The following PIEZO2 variants were observed in gnomAD, a reference collection of about 807,000 sequenced individuals.
The protein encoded by PIEZO2 is piezo-type mechanosensitive ion channel component 2.
PIEZO2 carries 172 observed loss-of-function variants against 337.3 expected under a neutral mutation model. The ratio of observed to expected loss-of-function variants is 0.51; its 90% confidence interval spans 0.45 to 0.58. The LOEUF is 0.58. PIEZO2 is among the 20% of genes least tolerant of loss of function. The pLI, the probability that PIEZO2 is intolerant of heterozygous loss-of-function variation, is 0.00. For synonymous variants in PIEZO2, 1,251 were observed against 1,228.5 expected, an observed-to-expected ratio of 1.02 and a Z score of -0.38; for missense variants, 3,028 against 3,391.3, an observed-to-expected ratio of 0.89 and a Z score of 2.66.
chr18:10,735,523 T>C (rs1402370102), intron 34 of PIEZO2, among the ~76,000 whole-genome samples, 193 bp from the exon 35 acceptor site: 3 of 152,180 alleles, frequency 2.0e-5, no homozygotes, highest in African/African-American at 7.2e-5. Context: ...TTGCATGTAA[T>C]CCATCCAACA....
chr18:10,955,195 T>C (rs111493624), intron 3 of PIEZO2, among the ~76,000 whole-genome samples: 44 of 152,116 alleles, frequency 2.9e-4, no homozygotes, highest in African/African-American at 1.0e-3. Context: ...ACAGAAAGAG[T>C]TTCTAAAACT....
intron 24 of PIEZO2, among the ~76,000 whole-genome samples, chr18:10,760,566 A>T (rs2038082188): frequency 6.6e-6 from 1 of 152,184 alleles, no homozygotes; most frequent in South Asian, 2.1e-4. Flanking sequence ...TGGCCTCCCA[A>T]AGTGCTGGGA....
rs200520861 is a variant in PIEZO2 at position 10,677,793 on chromosome 18, C to T, written c.8035G>A (p.Ala2679Thr). The T allele has an allele frequency of 2.2e-5, 36 of 1,610,334 alleles. No individual in the cohort carries two copies. Among genetic ancestry groups the T allele is most frequent in the East Asian group, 4.5e-5 (2 of 44,850 alleles). Residue 2679 changes from alanine (A) to threonine (T), a missense_variant, in exon 53 of 56, where the codon GCT (alanine) becomes ACT (threonine). Ala to Thr is a moderately conservative substitution (Grantham distance 58). Coordinates refer to ENST00000674853, the MANE Select transcript of PIEZO2 (RefSeq NM_001378183.1). This position sits in a 1 kb window ranked among gnomAD's most constrained non-coding sequence, Gnocchi z 4.1. ...PLKNITRKNI[A>T]KMIAGNSTES... is the part of the protein sequence containing the mutation. ...GTGCTGTTGCCTGCTATCATTTTAG[C>T]GATATTCTTTCGAGTAATATTTTTA...
At chr18:11,081,156 G>T (rs929282218) in intron 1 of PIEZO2, among the ~76,000 whole-genome samples, 33 of 152,192 alleles carry the variant, frequency 2.2e-4, no homozygotes, top group African/African-American at 7.7e-4. Flanking sequence ...TCTACTGAAA[G>T]GCAAAGGTGT....
chr18:11,037,818 A>G (rs2036975716), intron 2 of PIEZO2, among the ~76,000 whole-genome samples: 1 of 152,262 alleles, frequency 6.6e-6, no homozygotes, highest in Admixed American at 6.5e-5. Flanking sequence ...TTATGATTCT[A>G]TGTCAAAGTA....
Position 10,846,379 on chromosome 18 carries a change from C to T in PIEZO2, c.917+8974G>A, listed in dbSNP as rs939101026. ...CCCCCATAATTCAATCACCTCCCACCGGGGATGAGATTTGGGTGGGGTCAT... is the reference window on the plus strand; with the variant it reads ...CCCCCATAATTCAATCACCTCCCACTGGGGATGAGATTTGGGTGGGGTCAT... On this transcript the variant is annotated intron_variant, in intron 7 of 55. Coordinates refer to ENST00000674853, the MANE Select transcript of PIEZO2 (RefSeq NM_001378183.1). This position sits in a 1 kb window ranked among gnomAD's most constrained non-coding sequence, Gnocchi z 4.1. Among the ~76,000 whole-genome samples, 13 of 152,234 alleles carry T rather than the reference C, an allele frequency of 8.5e-5. No homozygotes were observed. Among genetic ancestry groups the T allele is most frequent in the African/African-American group, 2.2e-4 (9 of 41,552 alleles).
intron 2 of PIEZO2, among the ~76,000 whole-genome samples, chr18:11,024,005 C>G (rs2036429884): frequency 6.6e-6 from 1 of 152,168 alleles, no homozygotes; most frequent in Non-Finnish European, 1.5e-5. Flanking sequence ...CACGCGCAGC[C>G]CCAGTTCCCG....
At chr18:10,928,955 A>G (rs1225972433) in intron 3 of PIEZO2, among the ~76,000 whole-genome samples, 1 of 152,130 alleles carries the variant, frequency 6.6e-6, no homozygotes, top group Non-Finnish European at 1.5e-5. Flanking sequence ...ACAACACTTC[A>G]CCTTCATCCC....
At chr18:11,023,559 A>T (rs1486236820) in intron 2 of PIEZO2, among the ~76,000 whole-genome samples, 1 of 152,220 alleles carries the variant, frequency 6.6e-6, no homozygotes, top group Non-Finnish European at 1.5e-5. Context: ...CCAAGTCCCC[A>T]CCAGAGTCAG....
intron 3 of PIEZO2, among the ~76,000 whole-genome samples, chr18:10,921,755 T>C (rs1369054643): frequency 6.6e-6 from 1 of 152,006 alleles, no homozygotes; most frequent in African/African-American, 2.4e-5. Context: ...ATGGGAGAAA[T>C]ATCACTGAAT....
In PIEZO2 at chr18:10,895,937, G is replaced by A. The variant is rs1330021764; in HGVS notation, c.329+15249C>T. ...TACCCGGGCGTGGTGGCGTGTGCCT[G>A]TAATCCCAGCTACTTGGGAGGCTGA... is the stretch of plus-strand genomic sequence containing the variant. On this transcript the variant is annotated intron_variant, in intron 4 of 55. Coordinates refer to ENST00000674853, the MANE Select transcript of PIEZO2 (RefSeq NM_001378183.1). The surrounding 1 kb of genome is among the most constrained non-coding windows in gnomAD (Gnocchi z 4.8). Among the ~76,000 whole-genome samples, 1 of 151,864 alleles carries A rather than the reference G, an allele frequency of 6.6e-6. No homozygotes were observed. The highest frequency in any genetic ancestry group is 1.5e-5 in the Non-Finnish European group (1 of 67,978).
In PIEZO2 at chr18:10,979,632, C is replaced by T; in HGVS notation, c.189G>A (p.Leu63=). ...QGHTGRLLKS[L]CFISLSFLLL... ...ACAGGAAGGAAAGACTGATGAAGCACAGAGACTTTAATAACCGTCCCGTAT... is the reference window on the plus strand; with the variant it reads ...ACAGGAAGGAAAGACTGATGAAGCATAGAGACTTTAATAACCGTCCCGTAT... The change falls in exon 3 of 56, where the codon CTG becomes CTA. Residue 63 remains leucine, a synonymous_variant. Transcript: ENST00000674853. This position sits in a 1 kb window ranked among gnomAD's most constrained non-coding sequence, Gnocchi z 4.0. The T allele has an allele frequency of 6.5e-7, 1 of 1,535,500 alleles. No individual in the cohort carries two copies.
At chr18:11,018,191 A>ATGGTGG (rs759749235) in intron 2 of PIEZO2, among the ~76,000 whole-genome samples, 3 of 143,120 alleles carry the variant, frequency 2.1e-5, no homozygotes, top group Admixed American at 6.9e-5. Flanking sequence ...CAGTCATCGC[A>ATGGTGG]TGGTGGTGGT....
intron 3 of PIEZO2, among the ~76,000 whole-genome samples, chr18:10,955,553 T>G (rs2033480189): frequency 6.6e-6 from 1 of 152,206 alleles, no homozygotes; most frequent in Non-Finnish European, 1.5e-5. Flanking sequence ...GGAAGTAAAC[T>G]GACCCCAAAA....
rs12967372 is a variant in PIEZO2, at chr18:10,680,645, G to C, written c.7780-274C>G. 0.28 allele frequency among the ~76,000 whole-genome samples: 42,667 copies of C among 152,050 alleles called. 6,775 individuals carry two copies. The highest frequency in any genetic ancestry group is 0.37 in the Non-Finnish European group (25,205 of 67,956). Reference sequence around the variant, plus strand: ...CCAGTTAAACAATAAAGGAAAAACAGATAATTTAGTGTCATTTTTCCTTTC... The same window carrying C: ...CCAGTTAAACAATAAAGGAAAAACACATAATTTAGTGTCATTTTTCCTTTC... On this transcript the variant is annotated intron_variant, in intron 51 of 55. Coordinates refer to ENST00000674853, the MANE Select transcript of PIEZO2 (RefSeq NM_001378183.1).
Position 10,979,653 on chromosome 18 carries a change from C to T in PIEZO2, c.168G>A (p.Thr56=), listed in dbSNP as rs111734604. ...AGCACAGAGACTTTAATAACCGTCC[C>T]GTATGTCCTAAGGGATAAAAAGTGC... is the stretch of plus-strand genomic sequence containing the variant. ...EPTKTTMQGH[T]GRLLKSLCFI... Residue 56 remains threonine, a synonymous_variant, in exon 3 of 56, where the codon ACG becomes ACA. Transcript: ENST00000674853. The surrounding 1 kb of genome is among the most constrained non-coding windows in gnomAD (Gnocchi z 4.0). 2.6e-4 allele frequency: 403 copies of T among 1,534,188 alleles called. 4 individuals carry two copies. The African/African-American group carries it at 3.9e-3, about 15-fold the overall frequency.
At position 10,795,079 on chromosome 18, in the gene PIEZO2, T is replaced by G; in HGVS notation, c.1528-77A>C. 8.1e-7 allele frequency: 1 copy of G among 1,236,752 alleles called. No individual in the cohort carries two copies. The allele number at this position is 1,236,752 out of a possible 1,614,324, so 76.6% of individuals were successfully genotyped here. Reference sequence around the variant, plus strand: ...CCCCCCGCCCTGGTAAGGTAAAAACTATCTAAAAAGAAAAGGTCATAATAT... The same window carrying G: ...CCCCCCGCCCTGGTAAGGTAAAAACGATCTAAAAAGAAAAGGTCATAATAT... On this transcript the variant is annotated intron_variant, in intron 12 of 55. Coordinates refer to ENST00000674853, the MANE Select transcript of PIEZO2 (RefSeq NM_001378183.1). This position sits in a 1 kb window ranked among gnomAD's most constrained non-coding sequence, Gnocchi z 4.4.
Position 10,953,527 on chromosome 18 carries a change from G to A in PIEZO2, c.286+26008C>T, listed in dbSNP as rs115398824. 7.1e-3 allele frequency among the ~76,000 whole-genome samples: 1,077 copies of A among 152,100 alleles called. 24 individuals are homozygous for A. Among genetic ancestry groups the A allele is most frequent in the African/African-American group, 0.024 (1,014 of 41,478 alleles). On this transcript the variant is annotated intron_variant, in intron 3 of 55. Transcript: ENST00000674853. This position sits in a 1 kb window ranked among gnomAD's most constrained non-coding sequence, Gnocchi z 5.2. Reference sequence around the variant, plus strand: ...CACAAAATTGAATTTGTATCTCTATGGAAAATCAAGTGGCCGTGCACATAC... The same window carrying A: ...CACAAAATTGAATTTGTATCTCTATAGAAAATCAAGTGGCCGTGCACATAC...
chr18:10,938,397 C>T (rs2032520200), intron 3 of PIEZO2, among the ~76,000 whole-genome samples: 1 of 152,168 alleles, frequency 6.6e-6, no homozygotes. Context: ...CAAGGTCTGA[C>T]CACAAGCAAA....
Sources: allele counts gnomAD v4.1 joint callset (sites outside exome capture counted in the v4.1 genomes callset), GRCh38; gene constraint gnomAD v4.1.1; non-coding constraint Gnocchi (gnomAD v3.1); transcripts MANE v1.5; gene names NCBI Gene and HGNC (gene_info 2026-07-23, HGNC 2026-07-21).